ZNF287: variants seen among roughly 807,000 people sequenced by gnomAD.
ZNF287 encodes the protein zinc finger protein 287.
ZNF287 carries 31 observed loss-of-function variants against 73.7 expected under a neutral mutation model. That is an observed-to-expected ratio of 0.42 (90% CI 0.32 to 0.57). The LOEUF (loss-of-function observed/expected upper bound fraction) is 0.57, where lower values mean the gene tolerates loss of function less well. Among genes scored for constraint, ZNF287 ranks in the 20% least tolerant of loss-of-function variants. The pLI, the probability that ZNF287 is intolerant of heterozygous loss-of-function variation, is 0.13. For synonymous variants in ZNF287, 301 were observed against 307.2 expected (o/e 0.98, Z 0.21); for missense variants, 641 against 909.3 (o/e 0.70, Z 3.79).
Position 16,566,547 on chromosome 17 carries a change from C to T in ZNF287, c.479G>A (p.Trp160Ter). ...PRGKHAFQTG[W>*]LNDLVTKESM... ...CACTTTGGTCACCAAGTCATTTAGC[C>T]ATCCTGTCTGGAAAGCATGTTTTCC... The change falls in exon 3 of 6, where the codon TGG becomes TAG. Residue 160 changes from tryptophan to a stop codon, truncating the protein, a stop_gained. Transcript: ENST00000395825. LOFTEE classifies it high-confidence loss of function. 1 of 1,612,782 alleles carries T rather than the reference C, an allele frequency of 6.2e-7. No homozygotes were observed. The highest frequency in any genetic ancestry group is 8.5e-7 in the Non-Finnish European group (1 of 1,179,454).
At position 16,567,443 on chromosome 17, in the gene ZNF287, A is replaced by G; in HGVS notation, c.289T>C (p.Phe97Leu). The G allele has an allele frequency of 1.9e-6, 3 of 1,614,150 alleles. No individual in the cohort carries two copies. The highest frequency in any genetic ancestry group is 2.5e-6 in the Non-Finnish European group (3 of 1,180,038). ...ACCTCACCAGGCAGGATGGTCAGGA[A>G]TTGCTCCAGCACCAGCAGCTCCAAA... The part of the protein sequence containing the change: ...QILELLVLEQ[F>L]LTILPGEVRT... Residue 97 changes from phenylalanine (F) to leucine (L), a missense_variant, in exon 2 of 6, where the codon TTC (phenylalanine) becomes CTC (leucine). Around this residue, in one of 2 missense-constraint regions of ZNF287, gnomAD observed 357 missense variants for 442.4 expected, o/e 0.81. Transcript: ENST00000395825.
chr17:16,568,037 C>G, intron 1 of ZNF287, 108 bp from the exon 2 acceptor site: 1 of 1,044,104 alleles, frequency 9.6e-7, no homozygotes, highest in Non-Finnish European at 1.2e-6. Flanking sequence ...CACACATAAG[C>G]TTTACCTTGT....
chr17:16,566,370 C>CAG (rs1187255899), intron 3 of ZNF287, among the ~76,000 whole-genome samples, 155 bp downstream of exon 3: 5 of 152,276 alleles, frequency 3.3e-5, no homozygotes, highest in Admixed American at 3.3e-4. Context: ...ATAGTACATT[C>CAG]ACCTACCTTA....
In ZNF287 at chr17:16,552,388, G is replaced by A. The variant is rs1906735120; in HGVS notation, c.1754C>T (p.Thr585Ile). The change falls in exon 6 of 6, where the codon ACT becomes ATT. Residue 585 changes from threonine (T) to isoleucine (I), a missense_variant. This residue lies in a region of ZNF287 where 284 missense variants were observed against 466.8 expected (regional missense o/e 0.61). Coordinates refer to ENST00000395825, the MANE Select transcript of ZNF287 (RefSeq NM_020653.4). This position sits in a 1 kb window ranked among gnomAD's most constrained non-coding sequence, Gnocchi z 6.5. ...TATATAGGATTTCTCTCCAGTGTGA[G>A]TGGTTTGATGTTGAATAAGGGTTGA... is the stretch of plus-strand genomic sequence containing the variant. The part of the protein sequence containing the change: ...HSSTLIQHQT[T>I]HTGEKSYICN... 6.2e-7 allele frequency: 1 copy of A among 1,613,892 alleles called. No homozygotes were observed. Among genetic ancestry groups the A allele is most frequent in the Non-Finnish European group, 8.5e-7 (1 of 1,179,914 alleles).
At chr17:16,554,071 G>A (rs937321907) in intron 5 of ZNF287, among the ~76,000 whole-genome samples, 8 of 152,306 alleles carry the variant, frequency 5.3e-5, no homozygotes, top group African/African-American at 1.9e-4. Context: ...TTAAGGACTA[G>A]TGGCTTAAAG....
chr17:16,562,185 A>C (rs553117697), intron 5 of ZNF287, among the ~76,000 whole-genome samples: 32 of 150,940 alleles, frequency 2.1e-4, no homozygotes, highest in African/African-American at 7.2e-4. Flanking sequence ...GCAAGGAATG[A>C]GAATGAAAAA....
At chr17:16,553,760 A>C in intron 5 of ZNF287, among the ~76,000 whole-genome samples, 1 of 152,266 alleles carries the variant, frequency 6.6e-6, no homozygotes, top group East Asian at 1.9e-4. Context: ...TAATGTGTTC[A>C]TAAAGTAGAC....
rs1906660894 is a variant in ZNF287 at position 16,551,569 on chromosome 17, G to C, written c.*287C>G. On this transcript the variant is annotated 3_prime_UTR_variant, in exon 6 of 6. Coordinates refer to ENST00000395825, the MANE Select transcript of ZNF287 (RefSeq NM_020653.4). ...CCCCCGAGTATACCAAAGGATAAGT[G>C]TACTTGAAATAGAGAGTTGATGAGT... 1 of 339,836 alleles carries C rather than the reference G, an allele frequency of 2.9e-6. No homozygotes were observed. The highest frequency in any genetic ancestry group is 2.1e-5 in the African/African-American group (1 of 46,920). 21.1% of individuals were successfully genotyped at this position (339,836 alleles called of 1,614,324 possible). A position where few individuals can be genotyped will look rare whatever the true frequency, so the allele number is the denominator to read the frequency against.
At chr17:16,564,909 G>T (rs1203924810) in intron 3 of ZNF287, among the ~76,000 whole-genome samples, 1 of 151,996 alleles carries the variant, frequency 6.6e-6, no homozygotes, top group Non-Finnish European at 1.5e-5. Context: ...AGTAGAGACA[G>T]GGTTTTGCCA....
At position 16,553,012 on chromosome 17, in the gene ZNF287, A is replaced by C; in HGVS notation, c.1130T>G (p.Phe377Cys). 1 of 1,614,070 alleles carries C rather than the reference A, an allele frequency of 6.2e-7. No individual in the cohort carries two copies. Among genetic ancestry groups the C allele is most frequent in the Non-Finnish European group, 8.5e-7 (1 of 1,179,994 alleles). Residue 377 changes from phenylalanine (F) to cysteine (C), a missense_variant, in exon 6 of 6, where the codon TTT becomes TGT. This residue lies in a region of ZNF287 where 357 missense variants were observed against 442.4 expected (regional missense o/e 0.81). Transcript: ENST00000395825. ...TTTCAGGAGGGATGGGTATTTCCTA[A>C]ATTTTTTCCCACACACATTACACTT... Reference protein sequence around the residue: ...PYKCNVCGKKFRKYPSLLKHQ... With the variant: ...PYKCNVCGKKCRKYPSLLKHQ...
chr17:16,556,165 G>C (rs796601001), intron 5 of ZNF287, among the ~76,000 whole-genome samples: 10 of 144,312 alleles, frequency 6.9e-5, no homozygotes, highest in African/African-American at 2.0e-4. Context: ...GACAGACACA[G>C]ACACACACAC....
rs1906789714 is a variant in ZNF287 at position 16,553,030 on chromosome 17, T to C, written c.1112A>G (p.Asn371Ser). The C allele has an allele frequency of 6.2e-7, 1 of 1,614,094 alleles. No individual in the cohort carries two copies. The highest frequency in any genetic ancestry group is 1.3e-5 in the African/African-American group (1 of 74,950). Reference sequence around the variant, plus strand: ...TTTCCTAAATTTTTTCCCACACACATTACACTTGTAAGGCTTCTCTCCAGG... The same window carrying C: ...TTTCCTAAATTTTTTCCCACACACACTACACTTGTAAGGCTTCTCTCCAGG... ...ILPGEKPYKC[N>S]VCGKKFRKYP... Residue 371 changes from asparagine to serine, a missense_variant, in exon 6 of 6, where the codon AAT (asparagine) becomes AGT (serine). By Grantham distance (46) the Asn-to-Ser change is conservative. Transcript: ENST00000395825.
At chr17:16,568,032 A>G in intron 1 of ZNF287, 103 bp from the exon 2 acceptor site, 2 of 1,063,402 alleles carry the variant, frequency 1.9e-6, no homozygotes, top group African/African-American at 1.6e-5. Flanking sequence ...ATGAACACAC[A>G]TAAGCTTTAC....
At position 16,550,940 on chromosome 17, in the gene ZNF287, G is replaced by A. The variant is rs1318965478; in HGVS notation, c.*916C>T. The stretch of plus-strand genomic sequence containing the variant: ...GTATTGAAAATTCATTTAAGCTTGA[G>A]GCATTTAATTTTTGCCTGTTTAACT... On this transcript the variant is annotated 3_prime_UTR_variant, in exon 6 of 6. Transcript: ENST00000395825. 1.3e-5 allele frequency among the ~76,000 whole-genome samples: 2 copies of A among 152,134 alleles called. No homozygotes were observed. Among genetic ancestry groups the A allele is most frequent in the African/African-American group, 4.8e-5 (2 of 41,434 alleles).
Position 16,566,540 on chromosome 17 carries a change from A to T in ZNF287, c.486T>A (p.Asn162Lys), listed in dbSNP as rs1259635909. ...GKHAFQTGWL[N>K]DLVTKESMTF... ...TCACACTCACTTTGGTCACCAAGTC[A>T]TTTAGCCATCCTGTCTGGAAAGCAT... The change falls in exon 3 of 6, where the codon AAT becomes AAA. Residue 162 changes from asparagine (N) to lysine (K), a missense_variant. By Grantham distance (94) the Asn-to-Lys change is moderately conservative. Transcript: ENST00000395825. 3 of 1,612,684 alleles carry T rather than the reference A, an allele frequency of 1.9e-6. No homozygotes were observed. The highest frequency in any genetic ancestry group is 2.7e-5 in the African/African-American group (2 of 74,870).
rs141042403 is a variant in ZNF287 at position 16,553,093 on chromosome 17, T to C, written c.1049A>G (p.Asn350Ser). 82 of 1,614,210 alleles carry C rather than the reference T, an allele frequency of 5.1e-5. No homozygotes were observed. The African/African-American group carries it at 7.9e-4, about 15-fold the overall frequency. Residue 350 changes from asparagine (N) to serine (S), a missense_variant, in exon 6 of 6, where the codon AAT (asparagine) becomes AGT (serine). By Grantham distance (46) the Asn-to-Ser change is conservative. Coordinates refer to ENST00000395825, the MANE Select transcript of ZNF287 (RefSeq NM_020653.4). ...ATGTACAATACCATATGAGACATGATTGAAGGTTGCCCTGCCTTCATTATA... is the reference window on the plus strand; with the variant it reads ...ATGTACAATACCATATGAGACATGACTGAAGGTTGCCCTGCCTTCATTATA... ...SVYNEGRATF[N>S]HVSYGIVHRK...
chr17:16,559,758 T>A (rs1352280750), intron 5 of ZNF287, among the ~76,000 whole-genome samples: 5 of 152,294 alleles, frequency 3.3e-5, no homozygotes, highest in African/African-American at 1.2e-4. Context: ...AAGGTGAGCC[T>A]AAAGAACATC....
At chr17:16,561,640 GAA>G (rs1907457143) in intron 5 of ZNF287, among the ~76,000 whole-genome samples, 1 of 151,906 alleles carries the variant, frequency 6.6e-6, no homozygotes, top group Non-Finnish European at 1.5e-5. Context: ...TAATCTTTAG[GAA>G]ACAATGAGGC....
In ZNF287 at chr17:16,567,651, A is replaced by G. The variant is rs1336501204; in HGVS notation, c.81T>C (p.Ser27=). Residue 27 remains serine, a synonymous_variant, in exon 2 of 6, where the codon AGT becomes AGC. Coordinates refer to ENST00000395825, the MANE Select transcript of ZNF287 (RefSeq NM_020653.4). ...LLRWKSDKAQ[S]GPYNVEKEIL... ...TTTCCTTCTCAACATTGTAGGGTCC[A>G]CTCTGAGCCTTGTCTGACTTCCACC... 4 of 1,614,036 alleles carry G rather than the reference A, an allele frequency of 2.5e-6. No individual in the cohort carries two copies. Among genetic ancestry groups the G allele is most frequent in the African/African-American group, 1.3e-5 (1 of 74,926 alleles).
Sources: gnomAD v4.1 joint callset for allele counts (sites outside exome capture counted in the v4.1 genomes callset) on GRCh38, gnomAD v4.1.1 for gene constraint, gnomAD v4.1.1 regional missense constraint, Gnocchi (gnomAD v3.1) non-coding constraint, MANE v1.5 for transcripts, NCBI Gene and HGNC (gene_info 2026-07-23, HGNC 2026-07-21) for gene names.